RBFOX1: variants seen among roughly 807,000 people sequenced by gnomAD.
The protein encoded by RBFOX1 is RNA binding protein fox-1 homolog 1.
RBFOX1 carries 8 observed loss-of-function variants against 57.7 expected under a neutral mutation model. The observed-to-expected ratio is 0.14, with a 90% CI of 0.08 to 0.25. RBFOX1 has a LOEUF of 0.25. Ranked by LOEUF, RBFOX1 falls within the 10% of genes least tolerant of loss-of-function variation. The pLI is 1.00. For missense variants in RBFOX1, 611 were observed against 548.5 expected, an observed-to-expected ratio of 1.11 and a Z score of -1.14; for synonymous variants, 326 against 222.4, an observed-to-expected ratio of 1.47 and a Z score of -4.15.
At chr16:6,176,692 A>AC (rs2097013500) in intron 1 of RBFOX1, among the ~76,000 whole-genome samples, 1 of 148,840 alleles carries the variant, frequency 6.7e-6, no homozygotes, top group Admixed American at 6.7e-5. Context: ...TTCTTAGGTC[A>AC]TTTTTTTTTT....
At chr16:6,776,912 T>A (rs760161809) in intron 3 of RBFOX1, among the ~76,000 whole-genome samples, 1 of 152,224 alleles carries the variant, frequency 6.6e-6, no homozygotes, top group Non-Finnish European at 1.5e-5. Flanking sequence ...TAATTTTTAA[T>A]GGGAAATGTA....
chr16:6,907,807 C>T (rs1000638579), intron 3 of RBFOX1, among the ~76,000 whole-genome samples: 1 of 147,442 alleles, frequency 6.8e-6, no homozygotes, highest in African/African-American at 2.4e-5. Flanking sequence ...CTCCTGACCT[C>T]AGGTGAACCA....
chr16:6,849,014 C>G (rs1040501215), intron 3 of RBFOX1, among the ~76,000 whole-genome samples: 13 of 152,254 alleles, frequency 8.5e-5, no homozygotes, highest in African/African-American at 2.4e-4. Flanking sequence ...TTAGGTAGTC[C>G]CACCATTGGC....
At chr16:5,826,494 C>T (rs1403509584) in intron 3 of RBFOX1, among the ~76,000 whole-genome samples, 2 of 152,198 alleles carry the variant, frequency 1.3e-5, no homozygotes, top group African/African-American at 4.8e-5. Flanking sequence ...GTCGCTGTCT[C>T]AATGACTCAA....
intron 3 of RBFOX1, among the ~76,000 whole-genome samples, chr16:5,636,721 G>A (rs1386327786): frequency 6.6e-6 from 1 of 152,180 alleles, no homozygotes; most frequent in Non-Finnish European, 1.5e-5. Flanking sequence ...AGGGAACTCC[G>A]GGCAGTGGAC....
chr16:5,333,634 G>A (rs1878541), intron 1 of RBFOX1, among the ~76,000 whole-genome samples: 77,889 of 152,078 alleles, frequency 0.51, 23,477 homozygotes, highest in South Asian at 0.69. Flanking sequence ...ATAATGACGG[G>A]GACGTGTTCT....
At chr16:6,880,065 C>A (rs1052689541) in intron 3 of RBFOX1, among the ~76,000 whole-genome samples, 1 of 152,162 alleles carries the variant, frequency 6.6e-6, no homozygotes, top group Non-Finnish European at 1.5e-5. Flanking sequence ...CCTCCAGATT[C>A]AACTCCTTTC....
At chr16:7,125,942 G>A (rs969981091) in intron 4 of RBFOX1, among the ~76,000 whole-genome samples, 17 of 152,074 alleles carry the variant, frequency 1.1e-4, no homozygotes, top group African/African-American at 4.1e-4. Context: ...AATTACCTGT[G>A]CGTGGTGGCA....
intron 1 of RBFOX1, chr16:5,467,143 A>G: frequency 7.3e-7 from 1 of 1,372,590 alleles, no homozygotes. Context: ...ACAAAGCCAA[A>G]GCAATTGTTT....
chr16:6,945,008 G>T (rs974783643), intron 3 of RBFOX1, among the ~76,000 whole-genome samples: 1 of 152,082 alleles, frequency 6.6e-6, no homozygotes, highest in African/African-American at 2.4e-5. Context: ...GTGACTTTTA[G>T]CAGCTCTTCT....
At position 5,411,042 on chromosome 16, in the gene RBFOX1, A is replaced by G. The variant is rs185625156; in HGVS notation, c.220-56174A>G. 1.5e-3 allele frequency among the ~76,000 whole-genome samples: 222 copies of G among 152,324 alleles called. 2 individuals are homozygous for G. The highest frequency in any genetic ancestry group is 0.012 in the Admixed American group (182 of 15,296). On this transcript the variant is annotated intron_variant, in intron 1 of 2. Coordinates refer to the RBFOX1 transcript ENST00000585867. ...AAGTGCTCATTAAATGTGAGTTGTT[A>G]TCCTCCTCCATAGTGGGCTGAAACT...
intron 2 of RBFOX1, among the ~76,000 whole-genome samples, chr16:6,494,219 A>T (rs1443599320): frequency 6.6e-6 from 1 of 152,088 alleles, no homozygotes; most frequent in Non-Finnish European, 1.5e-5. Context: ...CCTTATTTGA[A>T]TTTCCCTAAG....
chr16:5,295,272 C>G (rs1008264799), intron 1 of RBFOX1, among the ~76,000 whole-genome samples: 9 of 152,092 alleles, frequency 5.9e-5, no homozygotes, highest in Admixed American at 2.0e-4. Flanking sequence ...ACTCTGAAAT[C>G]AGAGCTCAAA....
chr16:6,408,583 T>A (rs1285134270), intron 2 of RBFOX1, among the ~76,000 whole-genome samples: 1 of 152,168 alleles, frequency 6.6e-6, no homozygotes, highest in African/African-American at 2.4e-5. Context: ...TGAATGAGCT[T>A]ATTAGAGTGT....
At chr16:6,292,041 G>C (rs568104475) in intron 1 of RBFOX1, among the ~76,000 whole-genome samples, 1 of 152,214 alleles carries the variant, frequency 6.6e-6, no homozygotes, top group East Asian at 1.9e-4. Flanking sequence ...TATGTCCACT[G>C]TCAGTGAATA....
At chr16:5,599,877 A>G (rs1353104726) in exon 3 of RBFOX1, 1 of 152,468 alleles carries the variant, frequency 6.6e-6, no homozygotes, top group Non-Finnish European at 1.5e-5. Flanking sequence ...TTATCAAAAG[A>G]TGTTCATGGC....
At chr16:6,482,007 C>A (rs567799234) in intron 2 of RBFOX1, among the ~76,000 whole-genome samples, 78 of 152,222 alleles carry the variant, frequency 5.1e-4, no homozygotes, top group African/African-American at 1.7e-3. Flanking sequence ...AAAAAAGACA[C>A]ACTTGAAATA....
chr16:6,550,369 C>G (rs1015185470), intron 2 of RBFOX1, among the ~76,000 whole-genome samples: 12 of 152,232 alleles, frequency 7.9e-5, no homozygotes, highest in African/African-American at 2.6e-4. Flanking sequence ...TACAGACAAG[C>G]CTTCACCATG....
intron 1 of RBFOX1, among the ~76,000 whole-genome samples, chr16:6,224,803 C>T (rs2097403540): frequency 6.6e-6 from 1 of 152,064 alleles, no homozygotes; most frequent in Non-Finnish European, 1.5e-5. Context: ...GGTGGATCAC[C>T]TGTGGTCAGG....
Sources: gnomAD v4.1 joint callset for allele counts (sites outside exome capture counted in the v4.1 genomes callset) on GRCh38, gnomAD v4.1.1 for gene constraint, MANE v1.5 for transcripts, NCBI Gene and HGNC (gene_info 2026-07-23, HGNC 2026-07-21) for gene names.